Variants in CLVS1 observed in about 807,000 individuals in gnomAD.
CLVS1 encodes the protein clavesin 1.
A neutral mutation model predicts 33.1 loss-of-function variants in CLVS1; 10 were observed. The ratio of observed to expected loss-of-function variants is 0.30; its 90% confidence interval spans 0.19 to 0.51. CLVS1 has a LOEUF of 0.51. Among genes scored for constraint, CLVS1 ranks in the 20% least tolerant of loss-of-function variants. The pLI is 0.97. For missense variants in CLVS1, 343 were observed against 433.4 expected, an observed-to-expected ratio of 0.79 and a Z score of 1.85; for synonymous variants, 163 against 166.1, an observed-to-expected ratio of 0.98 and a Z score of 0.14.
the CLVS1 span, among the ~76,000 whole-genome samples, chr8:61,014,691 T>C: frequency 6.6e-6 from 1 of 152,208 alleles, no homozygotes; most frequent in Admixed American, 6.5e-5. Context: ...ATAAGGAAGA[T>C]TTAAGGCTTA....
chr8:61,258,369 A>T (rs543171114), intron 2 of CLVS1, among the ~76,000 whole-genome samples: 1 of 152,226 alleles, frequency 6.6e-6, no homozygotes, highest in Non-Finnish European at 1.5e-5. Context: ...TTTTTATTCT[A>T]TGTCCCAGAG....
the CLVS1 span, among the ~76,000 whole-genome samples, chr8:61,047,848 C>T: frequency 1.1e-4 from 17 of 152,056 alleles, no homozygotes; most frequent in South Asian, 2.1e-4. Flanking sequence ...TGCTAAATGA[C>T]GAGTTAATGG....
At position 61,073,949 on chromosome 8, in the gene CLVS1, C is replaced by T. The variant is rs1364882230; in HGVS notation, c.-243+16719C>T. Among the ~76,000 whole-genome samples the T allele has an allele frequency of 2.0e-5, 3 of 147,296 alleles. No individual in the cohort carries two copies. In the East Asian group the frequency reaches 5.9e-4, roughly 29 times the overall value. On this transcript the variant is annotated intron_variant, in intron 1 of 2. Coordinates refer to the CLVS1 transcript ENST00000522621. ...ATGGCGTGAACCAGTGGGGCGGAGC[C>T]TGCAGTGAGCCAAGATCGCGCCACT...
intron 5 of CLVS1, among the ~76,000 whole-genome samples, chr8:61,497,367 A>AATG (rs1474021626): frequency 6.7e-6 from 1 of 150,186 alleles, no homozygotes; most frequent in Non-Finnish European, 1.5e-5. Flanking sequence ...TTCTCTTAGC[A>AATG]ATGATGTGTG....
chr8:61,013,693 A>T, the CLVS1 span, among the ~76,000 whole-genome samples: 2 of 152,372 alleles, frequency 1.3e-5, no homozygotes, highest in East Asian at 3.9e-4. Context: ...TCTTCAGAAC[A>T]GAGGCACTGT....
chr8:61,361,086 A>G (rs1812956124), intron 2 of CLVS1, among the ~76,000 whole-genome samples: 1 of 152,112 alleles, frequency 6.6e-6, no homozygotes, highest in African/African-American at 2.4e-5. Flanking sequence ...CACACTTTTA[A>G]ACAAGCAGAT....
chr8:61,045,404 A>G, the CLVS1 span, among the ~76,000 whole-genome samples: 1 of 152,218 alleles, frequency 6.6e-6, no homozygotes, highest in Non-Finnish European at 1.5e-5. Context: ...TGGACTGAAG[A>G]CAAACTTTAT....
chr8:61,322,651 G>A (rs1811238148), intron 2 of CLVS1, among the ~76,000 whole-genome samples: 1 of 152,040 alleles, frequency 6.6e-6, no homozygotes, highest in African/African-American at 2.4e-5. Flanking sequence ...TGGAAAGATA[G>A]GGCAGCTCTT....
At chr8:61,239,437 T>C (rs1170489033) in intron 2 of CLVS1, among the ~76,000 whole-genome samples, 1 of 152,224 alleles carries the variant, frequency 6.6e-6, no homozygotes, top group Non-Finnish European at 1.5e-5. Context: ...AGTCTTTTAA[T>C]ATATTATTTT....
intron 2 of CLVS1, among the ~76,000 whole-genome samples, chr8:61,194,064 G>GTT (rs1807551195): frequency 1.6e-5 from 1 of 62,310 alleles, no homozygotes; most frequent in Admixed American, 1.6e-4. Context: ...AGAGAAAGAG[G>GTT]GTATTCATTT....
At chr8:61,129,259 A>T (rs1043958617) in intron 1 of CLVS1, among the ~76,000 whole-genome samples, 1 of 152,236 alleles carries the variant, frequency 6.6e-6, no homozygotes, top group Non-Finnish European at 1.5e-5. Context: ...AGAAAGGCAG[A>T]GTGGAAACTT....
intron 1 of CLVS1, among the ~76,000 whole-genome samples, chr8:61,099,202 AT>A (rs1805405344): frequency 6.6e-6 from 1 of 152,192 alleles, no homozygotes; most frequent in East Asian, 1.9e-4. Context: ...CATGGACGTC[AT>A]TGTCGTTTTA....
At chr8:61,043,855 GTGGTCCAGGGGTC>G in the CLVS1 span, among the ~76,000 whole-genome samples, 5 of 152,170 alleles carry the variant, frequency 3.3e-5, no homozygotes, top group African/African-American at 1.2e-4. Context: ...AAGGTTATAG[GTGGTCCAGGGGTC>G]TGGGGCATGT....
Position 61,340,917 on chromosome 8 carries a change from A to G in CLVS1, c.456-35688A>G, listed in dbSNP as rs531270181. On this transcript the variant is annotated intron_variant, in intron 2 of 5. Coordinates refer to ENST00000325897, the MANE Select transcript of CLVS1 (RefSeq NM_173519.3). ...ATTTTTAAACCCTGGGGTGGGTGGA[A>G]TGTTTTCAGATTGGCAGTTTTGGGA... Among the ~76,000 whole-genome samples, 207 of 152,244 alleles carry G rather than the reference A, an allele frequency of 1.4e-3. 1 individual carries two copies. The highest frequency in any genetic ancestry group is 2.1e-3 in the Non-Finnish European group (145 of 68,010).
chr8:61,225,460 T>A (rs1252247978), intron 2 of CLVS1, among the ~76,000 whole-genome samples: 2 of 152,216 alleles, frequency 1.3e-5, no homozygotes, highest in African/African-American at 4.8e-5. Flanking sequence ...ACTTTGTTAT[T>A]TTTAAGTGTG....
intron 2 of CLVS1, among the ~76,000 whole-genome samples, chr8:61,184,907 A>G (rs1807312461): frequency 6.6e-6 from 1 of 152,230 alleles, no homozygotes; most frequent in Non-Finnish European, 1.5e-5. Context: ...ATTAATATGC[A>G]TTCATAACAT....
At chr8:61,479,632 G>A (rs1315950202) in intron 5 of CLVS1, among the ~76,000 whole-genome samples, 1 of 152,192 alleles carries the variant, frequency 6.6e-6, no homozygotes, top group Non-Finnish European at 1.5e-5. Flanking sequence ...GTGAGGAGCT[G>A]CATTCCTTTG....
chr8:61,444,165 T>G lies in CLVS1; in HGVS notation c.631-9976T>G, dbSNP rs114319057. 9.8e-3 allele frequency among the ~76,000 whole-genome samples: 1,490 copies of G among 152,316 alleles called. 27 individuals are homozygous for G. Among genetic ancestry groups the G allele is most frequent in the African/African-American group, 0.034 (1,427 of 41,560 alleles). On this transcript the variant is annotated intron_variant, in intron 3 of 5. Coordinates refer to ENST00000325897, the MANE Select transcript of CLVS1 (RefSeq NM_173519.3). Reference sequence around the variant, plus strand: ...GATTTTTTAATGTAGACAGTCATGTTATCTGCAAATCGAGACAGCTATATT... The same window carrying G: ...GATTTTTTAATGTAGACAGTCATGTGATCTGCAAATCGAGACAGCTATATT...
rs188642715 is a variant in CLVS1 at position 61,304,529 on chromosome 8, T to C, written c.455+4247T>C. On this transcript the variant is annotated intron_variant, in intron 2 of 5. Transcript: ENST00000325897. ...GGCCCTCCCAGAGTGAGCAGAGTTTTTATCCCAGCTCCCCAGCTTGGTATG... is the reference window on the plus strand; with the variant it reads ...GGCCCTCCCAGAGTGAGCAGAGTTTCTATCCCAGCTCCCCAGCTTGGTATG... Among the ~76,000 whole-genome samples, 89 of 152,364 alleles carry C rather than the reference T, an allele frequency of 5.8e-4. 1 individual carries two copies. The highest frequency in any genetic ancestry group is 3.1e-3 in the Admixed American group (48 of 15,304).
Sources: gnomAD v4.1 joint callset for allele counts (sites outside exome capture counted in the v4.1 genomes callset) on GRCh38, gnomAD v4.1.1 for gene constraint, MANE v1.5 for transcripts, NCBI Gene and HGNC (gene_info 2026-07-23, HGNC 2026-07-21) for gene names.